The following ADAMTS17 variants were observed in gnomAD, a reference collection of about 807,000 sequenced individuals.
ADAMTS17 encodes ADAM metallopeptidase with thrombospondin type 1 motif 17.
ADAMTS17 carries 113 observed loss-of-function variants against 141.5 expected under a neutral mutation model. The ratio of observed to expected loss-of-function variants is 0.80; its 90% CI spans 0.69 to 0.93. The LOEUF (loss-of-function observed/expected upper bound fraction) is 0.93. Ranked by LOEUF, ADAMTS17 falls within the 40% of genes least tolerant of loss-of-function variation. The pLI is 0.00. For synonymous variants in ADAMTS17, 768 were observed against 630.6 expected (o/e 1.22, Z -3.27); for missense variants, 1,659 against 1,517.9 (o/e 1.09, Z -1.54).
intron 15 of ADAMTS17, among the ~76,000 whole-genome samples, chr15:100,068,274 C>A (rs1227586965): frequency 1.3e-5 from 2 of 152,096 alleles, no homozygotes; most frequent in Admixed American, 1.3e-4. Context: ...CTGGGTGGAG[C>A]CCACCGCAGC....
chr15:100,206,694 T>A (rs568479500), intron 7 of ADAMTS17, among the ~76,000 whole-genome samples: 9 of 152,112 alleles, frequency 5.9e-5, no homozygotes, highest in Non-Finnish European at 1.3e-4. Context: ...ATCTCCTCCA[T>A]GTGGGGAACG....
At chr15:100,140,317 G>A (rs1260421528) in intron 10 of ADAMTS17, among the ~76,000 whole-genome samples, 1 of 151,988 alleles carries the variant, frequency 6.6e-6, no homozygotes, top group Non-Finnish European at 1.5e-5. Context: ...TAACATAACA[G>A]GAAGTTGGCT....
intron 4 of ADAMTS17, among the ~76,000 whole-genome samples, chr15:100,271,582 ATTG>A (rs145505692): frequency 6.8e-4 from 48 of 70,298 alleles, no homozygotes; most frequent in African/African-American, 2.4e-3. Flanking sequence ...TTTAAATTGA[ATTG>A]TTTTTTTTTT....
intron 7 of ADAMTS17, among the ~76,000 whole-genome samples, chr15:100,227,654 G>C (rs571083622): frequency 6.6e-6 from 1 of 152,194 alleles, no homozygotes; most frequent in Non-Finnish European, 1.5e-5. Flanking sequence ...CCTAAGCACT[G>C]TCCTCACACA....
At chr15:100,205,097 C>T (rs180908715) in intron 7 of ADAMTS17, among the ~76,000 whole-genome samples, 4 of 152,206 alleles carry the variant, frequency 2.6e-5, no homozygotes, top group Admixed American at 2.6e-4. Flanking sequence ...GTTAATGAGA[C>T]CACAGCTTAG....
intron 7 of ADAMTS17, among the ~76,000 whole-genome samples, chr15:100,237,600 G>C (rs2042698617): frequency 6.6e-6 from 1 of 152,174 alleles, no homozygotes; most frequent in African/African-American, 2.4e-5. Context: ...TACACAAGTA[G>C]GGAAAGGAGG....
At chr15:100,027,943 C>T (rs892392727) in intron 18 of ADAMTS17, among the ~76,000 whole-genome samples, 4 of 152,114 alleles carry the variant, frequency 2.6e-5, no homozygotes, top group Non-Finnish European at 5.9e-5. Context: ...GATAGCCACA[C>T]ATTTCTGTGG....
intron 8 of ADAMTS17, among the ~76,000 whole-genome samples, chr15:100,163,572 A>T (rs571498931): frequency 6.6e-6 from 1 of 152,304 alleles, no homozygotes; most frequent in Admixed American, 6.5e-5. Context: ...TGCAGCCTCA[A>T]ACTCCTGGCC....
intron 4 of ADAMTS17, among the ~76,000 whole-genome samples, chr15:100,272,092 A>G (rs1353897588): frequency 6.6e-6 from 1 of 152,170 alleles, no homozygotes; most frequent in Non-Finnish European, 1.5e-5. Flanking sequence ...ATGTCAGTAA[A>G]GTGTTTTGAT....
chr15:100,116,132 T>TAAAAAAAAAAAAAAAAAAAAA (rs34003703), intron 13 of ADAMTS17, among the ~76,000 whole-genome samples: 1 of 84,782 alleles, frequency 1.2e-5, no homozygotes, highest in African/African-American at 4.7e-5. Flanking sequence ...CAGTTTTAGG[T>TAAAAAAAAAAAAAAAAAAAAA]AAAAAAAAAA....
chr15:100,223,204 C>G (rs1387658660), intron 7 of ADAMTS17, among the ~76,000 whole-genome samples: 1 of 152,192 alleles, frequency 6.6e-6, no homozygotes, highest in African/African-American at 2.4e-5. Flanking sequence ...TGGAAACTGT[C>G]TAAAGGGGAC....
intron 5 of ADAMTS17, among the ~76,000 whole-genome samples, 172 bp downstream of exon 5, chr15:100,262,173 GCCCCCCC>G: frequency 6.6e-6 from 1 of 152,144 alleles, no homozygotes; most frequent in African/African-American, 2.4e-5. Context: ...ATTCTCAACA[GCCCCCCC>G]TCACACCATG....
At chr15:100,287,364 A>AC (rs1417070498) in intron 3 of ADAMTS17, among the ~76,000 whole-genome samples, 31 of 152,158 alleles carry the variant, frequency 2.0e-4, no homozygotes, top group African/African-American at 7.2e-4. Context: ...AATGAATAAA[A>AC]CCTCAAGAAA....
At position 100,033,519 on chromosome 15, in the gene ADAMTS17, C is replaced by A. The variant is rs564883930; in HGVS notation, c.2591+15338G>T. Among the ~76,000 whole-genome samples the A allele has an allele frequency of 1.6e-4, 24 of 147,460 alleles. No individual in the cohort carries two copies. The East Asian group carries it at 4.7e-3, about 29-fold the overall frequency. Reference sequence around the variant, plus strand: ...TTTCTCAGTCTTGGTTAGATCATGACCTTAGCCTGTCTATAGGACTTAATA... The same window carrying A: ...TTTCTCAGTCTTGGTTAGATCATGAACTTAGCCTGTCTATAGGACTTAATA... On this transcript the variant is annotated intron_variant, in intron 18 of 21. Coordinates refer to ENST00000268070, the MANE Select transcript of ADAMTS17 (RefSeq NM_139057.4).
intron 8 of ADAMTS17, among the ~76,000 whole-genome samples, chr15:100,185,589 C>T (rs995608583): frequency 1.3e-5 from 2 of 152,240 alleles, no homozygotes; most frequent in African/African-American, 2.4e-5. Flanking sequence ...CTTCCCATTG[C>T]TTCTAAAGAA....
intron 18 of ADAMTS17, among the ~76,000 whole-genome samples, chr15:100,012,187 A>G (rs1003866635): frequency 6.6e-6 from 1 of 152,156 alleles, no homozygotes; most frequent in Non-Finnish European, 1.5e-5. Flanking sequence ...CCTTTTGTAT[A>G]TCTTCTTTTG....
chr15:100,011,883 C>T lies in ADAMTS17; in HGVS notation c.2592-14294G>A, dbSNP rs2061191778. On this transcript the variant is annotated intron_variant, in intron 18 of 21. Transcript: ENST00000268070. ...TGCAAGTATCTTTCTTGTATAATGACTTCTTTTCCTGTGGGTACATACCCA... is the reference window on the plus strand; with the variant it reads ...TGCAAGTATCTTTCTTGTATAATGATTTCTTTTCCTGTGGGTACATACCCA... Among the ~76,000 whole-genome samples the T allele has an allele frequency of 2.0e-5, 3 of 152,280 alleles. 1 individual carries two copies. Among genetic ancestry groups the T allele is most frequent in the South Asian group, 4.1e-4 (2 of 4,830 alleles).
intron 12 of ADAMTS17, among the ~76,000 whole-genome samples, chr15:100,122,642 T>C (rs866703794): frequency 8.5e-5 from 13 of 152,254 alleles, no homozygotes; most frequent in African/African-American, 2.9e-4. Flanking sequence ...GCTGATCACA[T>C]AATTAACATG....
intron 18 of ADAMTS17, among the ~76,000 whole-genome samples, chr15:100,042,661 TACAGTTGATCTA>T (rs902608584): frequency 6.6e-6 from 1 of 152,156 alleles, no homozygotes; most frequent in African/African-American, 2.4e-5. Flanking sequence ...TACGACACCC[TACAGTTGATCTA>T]ACTGAGATGG....
Sources: allele counts gnomAD v4.1 joint callset (sites outside exome capture counted in the v4.1 genomes callset), GRCh38; gene constraint gnomAD v4.1.1; transcripts MANE v1.5; gene names NCBI Gene and HGNC (gene_info 2026-07-23, HGNC 2026-07-21).